ALK: variants seen among roughly 807,000 people sequenced by gnomAD.
The protein encoded by ALK is ALK receptor tyrosine kinase, also known as ALK tyrosine kinase receptor.
A neutral mutation model predicts 163.1 loss-of-function variants in ALK; 74 were observed. That is an observed-to-expected ratio of 0.45 (90% CI 0.38 to 0.55). The LOEUF is 0.55. Among genes scored for constraint, ALK ranks in the 20% least tolerant of loss-of-function variants. The pLI is 0.00. For synonymous variants in ALK, 960 were observed against 843.2 expected, an observed-to-expected ratio of 1.14 and a Z score of -2.40; for missense variants, 2,063 against 2,105.3, an observed-to-expected ratio of 0.98 and a Z score of 0.39.
rs752568687 is a variant in ALK, at chr2:29,228,913, G to A, written c.2786C>T (p.Ser929Phe). Residue 929 changes from serine (S) to phenylalanine (F), a missense_variant, in exon 16 of 29, where the codon TCC becomes TTC. This residue lies in a region of ALK where 575 missense variants were observed against 626.6 expected (regional missense o/e 0.92). Coordinates refer to ENST00000389048, the MANE Select transcript of ALK (RefSeq NM_004304.5). ...GGFGGGGGGC[S>F]SGGGGGGYIG... ...ATATCCTCCGCCTCCTCCACCTGAG[G>A]AGCACCCCCCTCCACCCCCTCCGAA... The A allele has an allele frequency of 3.8e-6, 6 of 1,589,650 alleles. No homozygotes were observed. Among genetic ancestry groups the A allele is most frequent in the South Asian group, 1.1e-5 (1 of 90,564 alleles).
At chr2:29,520,286 T>C (rs1053744898) in intron 4 of ALK, among the ~76,000 whole-genome samples, 4 of 152,168 alleles carry the variant, frequency 2.6e-5, no homozygotes, top group Admixed American at 6.5e-5. Flanking sequence ...AGAACAGAGA[T>C]GGAATTTTGG....
chr2:29,735,954 G>A (rs1679880127), intron 1 of ALK, among the ~76,000 whole-genome samples: 1 of 151,998 alleles, frequency 6.6e-6, no homozygotes, highest in Admixed American at 6.6e-5. Context: ...CAAAAACCTT[G>A]TAAGTTAGAG....
chr2:29,523,102 C>T (rs767350377), intron 4 of ALK, among the ~76,000 whole-genome samples: 1 of 152,000 alleles, frequency 6.6e-6, no homozygotes, highest in African/African-American at 2.4e-5. Flanking sequence ...ACTCAGAGAG[C>T]CAGGATAAGG....
chr2:29,772,236 T>C (rs1452417520), intron 1 of ALK, among the ~76,000 whole-genome samples: 1 of 152,148 alleles, frequency 6.6e-6, no homozygotes. Flanking sequence ...CAGAGGAAAC[T>C]AAGCTAATAT....
intron 4 of ALK, among the ~76,000 whole-genome samples, chr2:29,403,999 A>T (rs185354514): frequency 4.6e-5 from 7 of 152,160 alleles, no homozygotes; most frequent in African/African-American, 1.7e-4. Context: ...CTAAAAATAA[A>T]ATTGTCTATA....
chr2:29,842,277 G>A (rs1018070075), intron 1 of ALK, among the ~76,000 whole-genome samples: 1 of 152,146 alleles, frequency 6.6e-6, no homozygotes. Flanking sequence ...TCTCATGGTT[G>A]CAACGAACAG....
At chr2:29,834,540 G>T (rs1412843769) in intron 1 of ALK, among the ~76,000 whole-genome samples, 1 of 152,180 alleles carries the variant, frequency 6.6e-6, no homozygotes, top group African/African-American at 2.4e-5. Flanking sequence ...TCTTAGTGAA[G>T]TTTGCTTAGA....
chr2:29,443,088 C>A (rs969309468), intron 4 of ALK, among the ~76,000 whole-genome samples: 1 of 152,136 alleles, frequency 6.6e-6, no homozygotes, highest in African/African-American at 2.4e-5. Context: ...CATTTGAGGG[C>A]GTCCTTTCCC....
intron 1 of ALK, among the ~76,000 whole-genome samples, chr2:29,739,471 T>C (rs1573597142): frequency 6.6e-6 from 1 of 151,482 alleles, no homozygotes; most frequent in East Asian, 1.9e-4. Context: ...GGCAGGAGAA[T>C]TGCTTGAGCC....
chr2:29,224,208 A>G (rs941811986), intron 19 of ALK, among the ~76,000 whole-genome samples: 2 of 152,290 alleles, frequency 1.3e-5, no homozygotes, highest in South Asian at 2.1e-4. Flanking sequence ...CAAGCCACAG[A>G]GTTGGAGAAG....
intron 15 of ALK, 35 bp downstream of exon 15, chr2:29,232,269 A>G (rs375811413): frequency 5.0e-6 from 8 of 1,613,676 alleles, no homozygotes; most frequent in Non-Finnish European, 6.8e-6. Context: ...GGCCTGGGAG[A>G]GGTTCTGGGA....
intron 4 of ALK, among the ~76,000 whole-genome samples, chr2:29,511,021 C>T (rs1264025710): frequency 6.6e-6 from 1 of 152,168 alleles, no homozygotes; most frequent in Non-Finnish European, 1.5e-5. Context: ...ACACTCAATG[C>T]ACTTGTCTGT....
At chr2:29,884,570 A>G (rs1174113696) in intron 1 of ALK, among the ~76,000 whole-genome samples, 2 of 152,242 alleles carry the variant, frequency 1.3e-5, no homozygotes, top group Non-Finnish European at 2.9e-5. Context: ...AAGCTTTTAT[A>G]TGAATGCAGG....
At chr2:29,265,222 T>C (rs1665190279) in intron 11 of ALK, among the ~76,000 whole-genome samples, 1 of 152,148 alleles carries the variant, frequency 6.6e-6, no homozygotes, top group African/African-American at 2.4e-5. Context: ...TTCACCATGT[T>C]GGCCAGGCTG....
intron 1 of ALK, among the ~76,000 whole-genome samples, chr2:29,788,984 C>T (rs887154430): frequency 3.5e-5 from 5 of 144,084 alleles, no homozygotes; most frequent in South Asian, 2.2e-4. Context: ...TGCAAACGGC[C>T]GAGTCTAAAA....
chr2:29,618,535 C>T (rs57782217), intron 3 of ALK, among the ~76,000 whole-genome samples: 3,852 of 152,028 alleles, frequency 0.025, 92 homozygotes, highest in South Asian at 0.056. Flanking sequence ...AGAGGGTCCC[C>T]TCCCTGTGCT....
chr2:29,750,550 C>A (rs1363256163), intron 1 of ALK, among the ~76,000 whole-genome samples: 1 of 151,278 alleles, frequency 6.6e-6, no homozygotes, highest in Non-Finnish European at 1.5e-5. Context: ...GTAGTCCCAG[C>A]TACTTGGGAG....
At chr2:29,368,584 A>T (rs947254906) in intron 5 of ALK, among the ~76,000 whole-genome samples, 1 of 152,226 alleles carries the variant, frequency 6.6e-6, no homozygotes, top group African/African-American at 2.4e-5. Flanking sequence ...TGGACAGACC[A>T]GTTTATATGT....
intron 4 of ALK, among the ~76,000 whole-genome samples, chr2:29,508,649 A>G (rs985611176): frequency 1.3e-5 from 2 of 149,910 alleles, no homozygotes; most frequent in African/African-American, 4.9e-5. Context: ...ATACATACGT[A>G]ACTAACCTGC....
Sources: gnomAD v4.1 joint callset for allele counts (sites outside exome capture counted in the v4.1 genomes callset) on GRCh38, gnomAD v4.1.1 for gene constraint, gnomAD v4.1.1 regional missense constraint, MANE v1.5 for transcripts, NCBI Gene and HGNC (gene_info 2026-07-23, HGNC 2026-07-21) for gene names.